Variants in CHRM2 observed in about 807,000 individuals in gnomAD.
CHRM2 encodes cholinergic receptor muscarinic 2.
CHRM2 carries 8 observed loss-of-function variants against 25.0 expected under a neutral mutation model. The observed-to-expected ratio is 0.32, with a 90% CI of 0.19 to 0.58. The LOEUF (loss-of-function observed/expected upper bound fraction) is 0.58, where lower values mean the gene tolerates loss of function less well. Ranked by LOEUF, CHRM2 falls within the 20% of genes least tolerant of loss-of-function variation. The pLI is 0.88. For synonymous variants in CHRM2, 202 were observed against 205.7 expected, an observed-to-expected ratio of 0.98 and a Z score of 0.15; for missense variants, 440 against 567.1, an observed-to-expected ratio of 0.78 and a Z score of 2.28.
chr7:136,881,204 C>A (rs1262950367), intron 2 of CHRM2, among the ~76,000 whole-genome samples: 1 of 150,462 alleles, frequency 6.6e-6, no homozygotes, highest in Non-Finnish European at 1.5e-5. Context: ...TACGGACTGT[C>A]ATGTAATGGA....
intron 3 of CHRM2, among the ~76,000 whole-genome samples, chr7:137,008,867 C>T (rs1804621943): frequency 6.6e-6 from 1 of 151,846 alleles, no homozygotes; most frequent in East Asian, 1.9e-4. Context: ...TCTATTTCTT[C>T]TAGAAAACAT....
chr7:136,928,716 A>G (rs1363300212), intron 2 of CHRM2, among the ~76,000 whole-genome samples: 2 of 152,208 alleles, frequency 1.3e-5, no homozygotes, highest in African/African-American at 4.8e-5. Flanking sequence ...GCAGTGCTGC[A>G]TACTGGAAAG....
intron 2 of CHRM2, among the ~76,000 whole-genome samples, chr7:136,982,142 T>A (rs1353703722): frequency 6.6e-6 from 1 of 152,224 alleles, no homozygotes. Flanking sequence ...ATTGGGTGTA[T>A]ATATATTTAG....
chr7:136,954,800 A>G (rs1800624089), intron 2 of CHRM2, among the ~76,000 whole-genome samples: 1 of 152,214 alleles, frequency 6.6e-6, no homozygotes, highest in African/African-American at 2.4e-5. Context: ...AACCAATGGG[A>G]AGCATCAGAA....
Position 136,950,783 on chromosome 7 carries a change from C to CTGT in CHRM2, c.-124-41360_-124-41358dup, listed in dbSNP as rs200954535. ...TTACAGAATAGCATGAACCCCCAAC[C>CTGT]TGTTGTTGTTGTTGTTGTTGTTGTT... On this transcript the variant is annotated intron_variant, in intron 2 of 3. Transcript: ENST00000680005. Among the ~76,000 whole-genome samples, 24,801 of 149,118 alleles carry CTGT rather than the reference C, an allele frequency of 0.17. 2,426 individuals are homozygous for CTGT. Among genetic ancestry groups the CTGT allele is most frequent in the East Asian group, 0.36 (1,740 of 4,860 alleles).
intron 2 of CHRM2, among the ~76,000 whole-genome samples, chr7:136,957,143 G>A (rs1458431162): frequency 1.3e-5 from 2 of 152,210 alleles, no homozygotes; most frequent in Non-Finnish European, 2.9e-5. Flanking sequence ...AGTAAGTCAG[G>A]AACTAACCTG....
chr7:136,931,438 A>T (rs902850137), intron 2 of CHRM2, among the ~76,000 whole-genome samples: 1 of 152,208 alleles, frequency 6.6e-6, no homozygotes, highest in Non-Finnish European at 1.5e-5. Flanking sequence ...CATAGAAATG[A>T]GAAGAACCTC....
At chr7:136,986,280 T>G (rs1299376983) in intron 2 of CHRM2, among the ~76,000 whole-genome samples, 1 of 152,226 alleles carries the variant, frequency 6.6e-6, no homozygotes, top group African/African-American at 2.4e-5. Flanking sequence ...TTCATCATCT[T>G]ACTCCCTTTC....
At position 137,018,144 on chromosome 7, in the gene CHRM2, A is replaced by G. The variant is rs913438535; in HGVS notation, c.*1878A>G. ...CTTAAAAGAATTATTTTGTATGATTAGCCTCATAGATGCCACCTCAACATT... is the reference window on the plus strand; with the variant it reads ...CTTAAAAGAATTATTTTGTATGATTGGCCTCATAGATGCCACCTCAACATT... On this transcript the variant is annotated 3_prime_UTR_variant, in exon 4 of 4. Transcript: ENST00000680005. 3 of 151,846 alleles carry G rather than the reference A, an allele frequency of 2.0e-5. No individual in the cohort carries two copies. Among genetic ancestry groups the G allele is most frequent in the Non-Finnish European group, 2.9e-5 (2 of 67,890 alleles). 9.4% of individuals were successfully genotyped at this position (151,846 alleles called of 1,614,324 possible).
At chr7:136,999,553 C>A (rs960057390) in intron 3 of CHRM2, among the ~76,000 whole-genome samples, 1 of 151,784 alleles carries the variant, frequency 6.6e-6, no homozygotes, top group Non-Finnish European at 1.5e-5. Context: ...CCCCCTCCTC[C>A]CACCCCACAA....
intron 3 of CHRM2, among the ~76,000 whole-genome samples, chr7:137,006,592 G>A (rs1804442815): frequency 6.6e-6 from 1 of 151,978 alleles, no homozygotes; most frequent in South Asian, 2.1e-4. Context: ...TATTTGTACT[G>A]ATGTGAGGAT....
At chr7:136,989,927 C>T (rs1803105961) in intron 2 of CHRM2, among the ~76,000 whole-genome samples, 1 of 152,142 alleles carries the variant, frequency 6.6e-6, no homozygotes, top group Non-Finnish European at 1.5e-5. Context: ...CTTTCTGACT[C>T]TCAGCCACCT....
chr7:136,967,382 A>C (rs1173934714), intron 2 of CHRM2, among the ~76,000 whole-genome samples: 1 of 152,034 alleles, frequency 6.6e-6, no homozygotes, highest in Non-Finnish European at 1.5e-5. Context: ...TAATCTACAT[A>C]GGGGAGAGAA....
intron 2 of CHRM2, among the ~76,000 whole-genome samples, chr7:136,949,802 C>T (rs147438276): frequency 0.014 from 2,151 of 151,102 alleles, 47 homozygotes; most frequent in African/African-American, 0.05. Context: ...TGCAGTGGCG[C>T]GATCTCGGCT....
At chr7:136,974,392 C>A (rs192228474) in intron 2 of CHRM2, among the ~76,000 whole-genome samples, 2 of 152,212 alleles carry the variant, frequency 1.3e-5, no homozygotes, top group East Asian at 1.9e-4. Flanking sequence ...CAGAAGAAAT[C>A]TGTTACAATG....
chr7:136,872,971 C>A (rs1382406840), intron 2 of CHRM2, among the ~76,000 whole-genome samples: 1 of 152,208 alleles, frequency 6.6e-6, no homozygotes, highest in African/African-American at 2.4e-5. Context: ...AAACTTTTCC[C>A]ACTTTACTCA....
At chr7:136,988,782 C>A (rs919246944) in intron 2 of CHRM2, among the ~76,000 whole-genome samples, 3 of 151,958 alleles carry the variant, frequency 2.0e-5, no homozygotes, top group African/African-American at 7.3e-5. Context: ...GTGTTCTTGT[C>A]CTGATTATAG....
In CHRM2 at chr7:136,912,998, T is replaced by C. The variant is rs536860295; in HGVS notation, c.-125+43580T>C. On this transcript the variant is annotated intron_variant, in intron 2 of 3. Coordinates refer to ENST00000680005, the MANE Select transcript of CHRM2 (RefSeq NM_001006630.2). Reference sequence around the variant, plus strand: ...TATGTTAGTATAATTACTGTTTTAATTTAGCCCATCACTATTATGTAGAAA... The same window carrying C: ...TATGTTAGTATAATTACTGTTTTAACTTAGCCCATCACTATTATGTAGAAA... Among the ~76,000 whole-genome samples the C allele has an allele frequency of 3.9e-5, 6 of 152,008 alleles. No homozygotes were observed. In the South Asian group the frequency reaches 1.0e-3, roughly 26 times the overall value.
intron 3 of CHRM2, among the ~76,000 whole-genome samples, chr7:137,002,224 GTTGT>G (rs997394796): frequency 2.0e-5 from 3 of 152,082 alleles, no homozygotes; most frequent in African/African-American, 7.2e-5. Context: ...TTTTTAAAAA[GTTGT>G]TTATTTGAAA....
Sources: allele counts gnomAD v4.1 joint callset (sites outside exome capture counted in the v4.1 genomes callset), GRCh38; gene constraint gnomAD v4.1.1; transcripts MANE v1.5; gene names NCBI Gene and HGNC (gene_info 2026-07-23, HGNC 2026-07-21).